The following FAM204A variants were observed in gnomAD, a reference collection of about 807,000 sequenced individuals.
FAM204A encodes the protein protein FAM204A.
A neutral mutation model predicts 35.4 loss-of-function variants in FAM204A; 16 were observed. The ratio of observed to expected loss-of-function variants is 0.45; its 90% CI spans 0.31 to 0.69. FAM204A has a LOEUF of 0.69. Among genes scored for constraint, FAM204A ranks in the 30% least tolerant of loss-of-function variants. The pLI is 0.07. For missense variants in FAM204A, 240 were observed against 265.7 expected (o/e 0.90, Z 0.67); for synonymous variants, 76 against 86.9 (o/e 0.88, Z 0.70).
In FAM204A at chr10:118,300,863, G is replaced by C. The variant is rs1845801527; in HGVS notation, c.*9994C>G. The C allele has an allele frequency of 6.6e-6, 1 of 152,244 alleles. No individual in the cohort carries two copies. The highest frequency in any genetic ancestry group is 6.5e-5 in the Admixed American group (1 of 15,278). 9.4% of individuals were successfully genotyped at this position (152,244 alleles called of 1,614,324 possible). A position where few individuals can be genotyped will look rare whatever the true frequency, so the allele number is the denominator to read the frequency against. On this transcript the variant is annotated 3_prime_UTR_variant, in exon 9 of 9. Transcript: ENST00000369183. ...GTATCCTAAGCACAAATGCAATACA[G>C]CAACATCAGTAATGGTAACTGAGTG...
chr10:118,336,544 C>CA lies in FAM204A; in HGVS notation c.-8-122_-8-121insT. The CA allele has an allele frequency of 7.4e-6, 5 of 677,860 alleles. No homozygotes were observed. The East Asian group carries it at 1.1e-4, about 16-fold the overall frequency. 42.0% of individuals were successfully genotyped at this position (677,860 alleles called of 1,614,324 possible). A position where few individuals can be genotyped will look rare whatever the true frequency, so the allele number is the denominator to read the frequency against. ...ATGGTTTGGGAACAGTCCATCTAAACTTTTTTTTTTTAATCTAAAATGGCA... is the reference window on the plus strand; with the variant it reads ...ATGGTTTGGGAACAGTCCATCTAAACATTTTTTTTTTTAATCTAAAATGGCA... On this transcript the variant is annotated intron_variant, in intron 2 of 8. Transcript: ENST00000369183.
intron 6 of FAM204A, among the ~76,000 whole-genome samples, chr10:118,331,027 G>A (rs1210141289): frequency 1.3e-5 from 2 of 152,150 alleles, no homozygotes; most frequent in Admixed American, 1.3e-4. Context: ...ATAATAAGGT[G>A]CTCCTATTAT....
chr10:118,335,739 G>T, intron 3 of FAM204A, 98 bp from the exon 4 acceptor site: 1 of 901,398 alleles, frequency 1.1e-6, no homozygotes, highest in Non-Finnish European at 1.7e-6. Flanking sequence ...ATTTCAGCGT[G>T]TATAAAGATA....
At chr10:118,317,529 A>C (rs1049280026) in intron 7 of FAM204A, among the ~76,000 whole-genome samples, 4 of 152,044 alleles carry the variant, frequency 2.6e-5, no homozygotes, top group African/African-American at 9.7e-5. Flanking sequence ...TCCTCAATGT[A>C]ATGAGATTTG....
intron 2 of FAM204A, chr10:118,337,136 A>G: frequency 1.9e-6 from 1 of 521,718 alleles, no homozygotes; most frequent in Non-Finnish European, 2.5e-6. Flanking sequence ...TATACAGTCC[A>G]TTAGTAGAGA....
intron 6 of FAM204A, among the ~76,000 whole-genome samples, chr10:118,327,416 G>A (rs191840541): frequency 9.8e-4 from 150 of 152,294 alleles, no homozygotes; most frequent in Middle Eastern, 6.8e-3. Context: ...CCCCACCTAA[G>A]TACTTAATAC....
intron 6 of FAM204A, among the ~76,000 whole-genome samples, chr10:118,330,717 A>G (rs1398291854): frequency 6.6e-6 from 1 of 152,198 alleles, no homozygotes. Flanking sequence ...ATAAGAACTT[A>G]TTAATATTCC....
In FAM204A at chr10:118,299,395, T is replaced by G. The variant is rs898876787; in HGVS notation, c.*11462A>C. The G allele has an allele frequency of 8.3e-5, 9 of 108,296 alleles. No individual in the cohort carries two copies. 6.7% of individuals were successfully genotyped at this position (108,296 alleles called of 1,614,324 possible). On this transcript the variant is annotated 3_prime_UTR_variant, in exon 9 of 9. Coordinates refer to ENST00000369183, the MANE Select transcript of FAM204A (RefSeq NM_022063.3). The stretch of plus-strand genomic sequence containing the variant: ...CCTCCTTTCTGCTTCCAGAAGGTTT[T>G]TTTTTTTTTTTTTTTTTTGAGACAG...
At chr10:118,312,461 C>T (rs1845967950) in intron 7 of FAM204A, among the ~76,000 whole-genome samples, 1 of 152,160 alleles carries the variant, frequency 6.6e-6, no homozygotes, top group African/African-American at 2.4e-5. Flanking sequence ...CAAGGTTTGG[C>T]ACGCTTGACA....
chr10:118,334,458 C>T (rs928297191), intron 6 of FAM204A, among the ~76,000 whole-genome samples: 1 of 152,166 alleles, frequency 6.6e-6, no homozygotes, highest in African/African-American at 2.4e-5. Context: ...TTCAATTCAT[C>T]ATCATCTTAT....
intron 6 of FAM204A, among the ~76,000 whole-genome samples, chr10:118,332,627 C>T (rs987165815): frequency 1.3e-5 from 2 of 151,950 alleles, no homozygotes; most frequent in Middle Eastern, 3.4e-3. Flanking sequence ...ATGTAAGAGT[C>T]TGTTTGGAAA....
intron 7 of FAM204A, chr10:118,311,612 T>A: frequency 4.0e-6 from 1 of 249,854 alleles, no homozygotes. Flanking sequence ...TATTTCAGCA[T>A]TGCAGTAGGC....
chr10:118,335,246 A>G (rs772684031), intron 5 of FAM204A, 33 bp from the exon 6 acceptor site: 30 of 1,587,966 alleles, frequency 1.9e-5, no homozygotes, highest in Non-Finnish European at 2.5e-5. Flanking sequence ...GTTTTATACA[A>G]TATATACTGT....
chr10:118,335,527 C>T (rs764936195), intron 4 of FAM204A, 27 bp downstream of exon 4: 80 of 1,546,588 alleles, frequency 5.2e-5, no homozygotes, highest in African/African-American at 8.0e-5. Flanking sequence ...ATTAGCACGA[C>T]GAACAACCTG....
At chr10:118,317,469 C>G (rs1231543475) in intron 7 of FAM204A, among the ~76,000 whole-genome samples, 1 of 151,864 alleles carries the variant, frequency 6.6e-6, no homozygotes, top group African/African-American at 2.4e-5. Flanking sequence ...GCATAAGGAA[C>G]ACCATTTGAG....
Position 118,310,812 on chromosome 10 carries a change from AATTGAGC to A in FAM204A, c.*38_*44del, listed in dbSNP as rs1365551555. Reference sequence around the variant, plus strand: ...CATAGGCAGGAAAACATTCTCAGTAAATTGAGCATTTGAGTCTACAAATGTCTTGAAG... The same window carrying A: ...CATAGGCAGGAAAACATTCTCAGTAAATTTGAGTCTACAAATGTCTTGAAG... On this transcript the variant is annotated 3_prime_UTR_variant, in exon 9 of 9. Transcript: ENST00000369183. 11 of 1,480,116 alleles carry A rather than the reference AATTGAGC, an allele frequency of 7.4e-6. No individual in the cohort carries two copies. In the Admixed American group the frequency reaches 2.2e-4, roughly 30 times the overall value. The allele number at this position is 1,480,116 out of a possible 1,614,324, so 91.7% of individuals were successfully genotyped here. A position where few individuals can be genotyped will look rare whatever the true frequency, so the allele number is the denominator to read the frequency against.
chr10:118,323,664 A>G (rs1398418488), intron 7 of FAM204A, among the ~76,000 whole-genome samples: 2 of 151,868 alleles, frequency 1.3e-5, no homozygotes, highest in Admixed American at 6.6e-5. Context: ...GTCTCTCCCA[A>G]CCTCACAGGT....
At chr10:118,313,619 C>T (rs562769498) in intron 7 of FAM204A, among the ~76,000 whole-genome samples, 1 of 152,274 alleles carries the variant, frequency 6.6e-6, no homozygotes, top group South Asian at 2.1e-4. Context: ...TCCTCTTCCC[C>T]ATCGCCAAAA....
At chr10:118,321,724 C>CAAAAAAAAAAAA (rs200200755) in intron 7 of FAM204A, among the ~76,000 whole-genome samples, 3 of 87,282 alleles carry the variant, frequency 3.4e-5, no homozygotes, top group Non-Finnish European at 4.3e-5. Flanking sequence ...TATGACAAAG[C>CAAAAAAAAAAAA]AAAAAAAAAA....
Sources: gnomAD v4.1 joint callset for allele counts (sites outside exome capture counted in the v4.1 genomes callset) on GRCh38, gnomAD v4.1.1 for gene constraint, MANE v1.5 for transcripts, NCBI Gene and HGNC (gene_info 2026-07-23, HGNC 2026-07-21) for gene names.